Variants in TMEM175 observed in about 807,000 individuals in gnomAD.
TMEM175 encodes the protein endosomal/lysosomal proton channel TMEM175.
A neutral mutation model predicts 36.5 loss-of-function variants in TMEM175; 36 were observed. The observed-to-expected ratio is 0.99, with a 90% CI of 0.76 to 1.30. TMEM175 has a LOEUF of 1.30. Ranked by LOEUF, TMEM175 falls within the 50% of genes most tolerant of loss-of-function variation. The probability of loss-of-function intolerance (pLI) is 0.00; values close to 1 mark genes in which losing one functional copy is unlikely to be tolerated. For missense variants in TMEM175, 705 were observed against 692.8 expected (o/e 1.02, Z -0.20); for synonymous variants, 339 against 313.4 (o/e 1.08, Z -0.86).
At chr4:934,221 G>A (rs1304669342) in intron 1 of TMEM175, among the ~76,000 whole-genome samples, 1 of 152,240 alleles carries the variant, frequency 6.6e-6, no homozygotes, top group Non-Finnish European at 1.5e-5. Flanking sequence ...GTGGCAGTTG[G>A]CTCTAGGAGC....
rs868498794 is a variant in TMEM175 at position 958,392 on chromosome 4, G to A, written c.1411G>A (p.Ala471Thr). The change falls in exon 11 of 11, where the codon GCC becomes ACC. Residue 471 changes from alanine (A) to threonine (T), a missense_variant. Ala to Thr is a moderately conservative substitution (Grantham distance 58). Coordinates refer to ENST00000264771, the MANE Select transcript of TMEM175 (RefSeq NM_032326.4). ...GCGCCTGCTCGTGGGCCTGGCCCTG[G>A]CCACCCTGCGGGTCCTGCGGGGCCT... The part of the protein sequence containing the change: ...LLRLLVGLAL[A>T]TLRVLRGLAR... 1.2e-6 allele frequency: 2 copies of A among 1,601,482 alleles called. No homozygotes were observed. The highest frequency in any genetic ancestry group is 1.3e-5 in the African/African-American group (1 of 75,038).
At chr4:954,365 C>T (rs983384807) in intron 8 of TMEM175, among the ~76,000 whole-genome samples, 5 of 152,176 alleles carry the variant, frequency 3.3e-5, no homozygotes, top group Admixed American at 2.0e-4. Context: ...GGAGGAGCCC[C>T]TGGGGATAAG....
At chr4:952,271 C>T in intron 6 of TMEM175, 96 bp from the exon 7 acceptor site, 1 of 1,096,126 alleles carries the variant, frequency 9.1e-7, no homozygotes, top group Non-Finnish European at 1.4e-6. Flanking sequence ...TCCCAGCGTC[C>T]CGTGGAGTGG....
chr4:948,377 G>C, intron 3 of TMEM175: 1 of 1,531,842 alleles, frequency 6.5e-7, no homozygotes. Flanking sequence ...GAGGGTGGGA[G>C]ACTGGGCTCC....
Position 958,291 on chromosome 4 carries a change from C to T in TMEM175, c.1310C>T (p.Thr437Ile), listed in dbSNP as rs1284167926. 1.2e-6 allele frequency: 2 copies of T among 1,606,102 alleles called. No homozygotes were observed. The highest frequency in any genetic ancestry group is 2.2e-5 in the East Asian group (1 of 44,878). ...GCCAGCCTGCTGGCCTTCGCCTCCA[C>T]CTGCCTGCTGAGCAGGTTCAGTGTG... is the stretch of plus-strand genomic sequence containing the variant. ...PCASLLAFAS[T>I]CLLSRFSVGI... is the part of the protein sequence containing the mutation. Residue 437 changes from threonine (T) to isoleucine (I), a missense_variant, in exon 11 of 11, where the codon ACC becomes ATC. Transcript: ENST00000264771.
chr4:958,189 A>G lies in TMEM175; in HGVS notation c.1208A>G (p.Glu403Gly), dbSNP rs1711507119. Residue 403 changes from glutamate (E) to glycine (G), a missense_variant, in exon 11 of 11, where the codon GAG (glutamate) becomes GGG (glycine). By Grantham distance (98) the Glu-to-Gly change is moderately conservative. Transcript: ENST00000264771. ...MWTTALLHQAETLQPSVWFGG... is the reference protein window; with the variant it reads ...MWTTALLHQAGTLQPSVWFGG... ...ACCACGGCGCTGCTGCACCAGGCGG[A>G]GACGCTGCAGCCCTCGGTGTGGTTT... The G allele has an allele frequency of 3.7e-6, 6 of 1,603,246 alleles. No individual in the cohort carries two copies. The East Asian group carries it at 1.3e-4, about 36-fold the overall frequency.
chr4:957,887 C>T lies in TMEM175; in HGVS notation c.906C>T (p.Ala302=), dbSNP rs754592522. 1.2e-6 allele frequency: 2 copies of T among 1,612,770 alleles called. No homozygotes were observed. Among genetic ancestry groups the T allele is most frequent in the South Asian group, 1.1e-5 (1 of 91,056 alleles). ...GGTTCAGCGGCAGCCTCGTGGCCGCCCTGAGTGCGACCGGGCCGCGCTTCC... is the reference window on the plus strand; with the variant it reads ...GGTTCAGCGGCAGCCTCGTGGCCGCTCTGAGTGCGACCGGGCCGCGCTTCC... ...KERFSGSLVA[A]LSATGPRFLA... The change falls in exon 11 of 11, where the codon GCC becomes GCT. Residue 302 remains alanine (A), a synonymous_variant. Coordinates refer to ENST00000264771, the MANE Select transcript of TMEM175 (RefSeq NM_032326.4).
intron 1 of TMEM175, among the ~76,000 whole-genome samples, chr4:933,698 C>A (rs966014744): frequency 1.3e-5 from 2 of 152,062 alleles, no homozygotes; most frequent in African/African-American, 4.8e-5. Flanking sequence ...GGTTGCAACC[C>A]CTTCAACAGA....
At chr4:953,150 G>A (rs1283275861) in intron 7 of TMEM175, 40 bp from the exon 8 acceptor site, 1 of 1,557,028 alleles carries the variant, frequency 6.4e-7, no homozygotes, top group Middle Eastern at 1.7e-4. Flanking sequence ...GGCCCCCTCT[G>A]CTCTTGGGGC....
chr4:944,157 G>A (rs1727851562), intron 1 of TMEM175, among the ~76,000 whole-genome samples: 1 of 152,208 alleles, frequency 6.6e-6, no homozygotes, highest in African/African-American at 2.4e-5. Flanking sequence ...GCCAGGCATG[G>A]TGGCTGGTGC....
chr4:956,789 A>C (rs1729713575), intron 10 of TMEM175: 1 of 312,994 alleles, frequency 3.2e-6, no homozygotes, highest in Admixed American at 5.0e-5. Flanking sequence ...ATCCTTTTGG[A>C]GTGTCTTGTT....
At chr4:935,154 C>T (rs941049814) in intron 1 of TMEM175, among the ~76,000 whole-genome samples, 1 of 152,202 alleles carries the variant, frequency 6.6e-6, no homozygotes, top group African/African-American at 2.4e-5. Context: ...ATCAGCTGGA[C>T]ATTTCTAAAC....
At chr4:954,920 C>G (rs560880070) in intron 8 of TMEM175, among the ~76,000 whole-genome samples, 1 of 152,140 alleles carries the variant, frequency 6.6e-6, no homozygotes, top group African/African-American at 2.4e-5. Context: ...TGTTCTCATC[C>G]TTTGCCCATT....
intron 1 of TMEM175, among the ~76,000 whole-genome samples, chr4:942,256 G>A (rs939511468): frequency 1.3e-5 from 2 of 151,866 alleles, no homozygotes; most frequent in Admixed American, 6.6e-5. Flanking sequence ...TAGTAGAGAC[G>A]AGGTTTCACC....
At chr4:954,279 G>A (rs73209899) in intron 8 of TMEM175, among the ~76,000 whole-genome samples, 5,197 of 152,302 alleles carry the variant, frequency 0.034, 133 homozygotes, top group Non-Finnish European at 0.055. Flanking sequence ...GAGCCACTGC[G>A]TCCAGCCTAT....
chr4:957,933 G>A lies in TMEM175; in HGVS notation c.952G>A (p.Ala318Thr), dbSNP rs149522533. ...PRFLAYFGSF[A>T]TVGLLWFAHH... is the part of the protein sequence containing the mutation. Reference sequence around the variant, plus strand: ...CTTCCTGGCGTACTTCGGCTCCTTCGCCACAGTGGGACTGCTGTGGTTCGC... The same window carrying A: ...CTTCCTGGCGTACTTCGGCTCCTTCACCACAGTGGGACTGCTGTGGTTCGC... The change falls in exon 11 of 11, where the codon GCC (alanine) becomes ACC (threonine). Residue 318 changes from alanine (A) to threonine (T), a missense_variant. Coordinates refer to ENST00000264771, the MANE Select transcript of TMEM175 (RefSeq NM_032326.4). 78 of 1,612,730 alleles carry A rather than the reference G, an allele frequency of 4.8e-5. No individual in the cohort carries two copies. The highest frequency in any genetic ancestry group is 8.0e-5 in the African/African-American group (6 of 74,940).
chr4:953,320 CA>C lies in TMEM175; in HGVS notation c.594del (p.Ala199ArgfsTer15), dbSNP rs775009253. The C allele has an allele frequency of 5.6e-6, 9 of 1,613,564 alleles. No individual in the cohort carries two copies. The highest frequency in any genetic ancestry group is 7.6e-6 in the Non-Finnish European group (9 of 1,179,778). ...CTCCAAGGCCCGGCCCTGTGCTTTG[CA>C]GCGGCCATCTTCTCTCTCTTCTTTG... is the stretch of plus-strand genomic sequence containing the variant. ...IVLQGPALCFAAAIFSLFFVP... is the reference protein window; with the variant it reads ...IVLQGPALCFXAAIFSLFFVP... On this transcript the variant is annotated frameshift_variant, in exon 8 of 11. Transcript: ENST00000264771. LOFTEE classifies it high-confidence loss of function.
intron 8 of TMEM175, among the ~76,000 whole-genome samples, 179 bp downstream of exon 8, chr4:953,533 C>T (rs1577439661): frequency 6.6e-6 from 1 of 152,352 alleles, no homozygotes; most frequent in African/African-American, 2.4e-5. Context: ...GGGAGGCCTG[C>T]TCCACCTGAG....
chr4:939,111 A>G (rs533935178), intron 1 of TMEM175, among the ~76,000 whole-genome samples: 1 of 152,238 alleles, frequency 6.6e-6, no homozygotes, highest in Admixed American at 6.5e-5. Flanking sequence ...AGCCTGGGCA[A>G]CAGTGTGGAG....
Sources: gnomAD v4.1 joint callset for allele counts (sites outside exome capture counted in the v4.1 genomes callset) on GRCh38, gnomAD v4.1.1 for gene constraint, MANE v1.5 for transcripts, NCBI Gene and HGNC (gene_info 2026-07-23, HGNC 2026-07-21) for gene names.